Variants in UBE3C observed in about 807,000 individuals in gnomAD.
The protein encoded by UBE3C is ubiquitin-protein ligase E3C.
In UBE3C, 42 loss-of-function variants were observed where a neutral mutation model predicts 129.4. That is an observed-to-expected ratio of 0.32 (90% CI 0.25 to 0.42). The LOEUF (loss-of-function observed/expected upper bound fraction) is 0.42, where lower values mean the gene tolerates loss of function less well. UBE3C is among the 10% of genes least tolerant of loss of function. UBE3C has a pLI of 1.00. For synonymous variants in UBE3C, 510 were observed against 492.4 expected (o/e 1.04, Z -0.47); for missense variants, 1,049 against 1,319.1 (o/e 0.80, Z 3.17).
chr7:157,180,861 A>T (rs1307439212), intron 6 of UBE3C, among the ~76,000 whole-genome samples: 1 of 152,166 alleles, frequency 6.6e-6, no homozygotes, highest in Non-Finnish European at 1.5e-5. Flanking sequence ...CTCTAAAAGG[A>T]GCTTAAGAGT....
At chr7:157,263,553 A>T (rs1389730754) in intron 22 of UBE3C, among the ~76,000 whole-genome samples, 1 of 151,860 alleles carries the variant, frequency 6.6e-6, no homozygotes. Context: ...AGTCCCAGCT[A>T]CTCGGGAGGT....
chr7:157,251,730 T>C (rs7794202), intron 19 of UBE3C, among the ~76,000 whole-genome samples: 17,729 of 152,248 alleles, frequency 0.12, 1,154 homozygotes, highest in African/African-American at 0.15. Context: ...TTTAAATATG[T>C]CCCTCAGATC....
chr7:157,158,339 C>T (rs1437384386), intron 1 of UBE3C, among the ~76,000 whole-genome samples: 1 of 152,178 alleles, frequency 6.6e-6, no homozygotes, highest in Non-Finnish European at 1.5e-5. Flanking sequence ...AAACCATGCA[C>T]TCATACTTTA....
chr7:157,150,363 G>GGCAA (rs1239535226), intron 1 of UBE3C, among the ~76,000 whole-genome samples: 2 of 151,430 alleles, frequency 1.3e-5, no homozygotes, highest in Non-Finnish European at 2.9e-5. Flanking sequence ...TGGGTGACAG[G>GGCAA]GCAAGACTCT....
intron 3 of UBE3C, 116 bp from the exon 4 acceptor site, chr7:157,170,188 T>G (rs1586659952): frequency 1.2e-6 from 1 of 864,396 alleles, no homozygotes; most frequent in Non-Finnish European, 1.6e-6. Context: ...CCGATAATGG[T>G]GTTTTCGTTG....
intron 18 of UBE3C, among the ~76,000 whole-genome samples, chr7:157,236,777 G>A (rs1399860648): frequency 6.6e-6 from 1 of 151,774 alleles, no homozygotes. Context: ...TGTTGCCCAG[G>A]CTGGAGTGCA....
intron 1 of UBE3C, among the ~76,000 whole-genome samples, chr7:157,161,070 C>T (rs573547713): frequency 2.7e-4 from 41 of 152,142 alleles, no homozygotes; most frequent in Non-Finnish European, 4.3e-4. Context: ...AGAAATAGTA[C>T]CTAAATATAA....
chr7:157,166,464 G>A (rs970310993), intron 2 of UBE3C, among the ~76,000 whole-genome samples: 2 of 151,930 alleles, frequency 1.3e-5, no homozygotes, highest in African/African-American at 4.8e-5. Context: ...TTGAGGGCTG[G>A]GCGCGATGGC....
chr7:157,168,986 C>A, intron 2 of UBE3C, 62 bp from the exon 3 acceptor site: 2 of 1,383,976 alleles, frequency 1.4e-6, no homozygotes, highest in East Asian at 2.3e-5. Context: ...TCTTTACTAG[C>A]AAAATGTCAT....
intron 13 of UBE3C, among the ~76,000 whole-genome samples, chr7:157,216,627 T>G (rs1452968665): frequency 6.6e-6 from 1 of 152,194 alleles, no homozygotes; most frequent in Non-Finnish European, 1.5e-5. Flanking sequence ...CCGTTGTAAC[T>G]TAAAAATTAT....
rs770003999 is a variant in UBE3C, at chr7:157,223,369, TTTA to T, written c.2100+21_2100+23del. ...GAGTAAAGGTATGCAATTTGGCTTC[TTTA>T]TTGTCACTACGTATCATATTAGTGT... On this transcript the variant is annotated intron_variant, in intron 16 of 22. Coordinates refer to ENST00000348165, the MANE Select transcript of UBE3C (RefSeq NM_014671.3). The T allele has an allele frequency of 1.1e-5, 18 of 1,599,608 alleles. No homozygotes were observed. Among genetic ancestry groups the T allele is most frequent in the Non-Finnish European group, 1.5e-5 (17 of 1,171,898 alleles).
At chr7:157,142,003 G>A (rs759427258) in intron 1 of UBE3C, among the ~76,000 whole-genome samples, 11 of 152,182 alleles carry the variant, frequency 7.2e-5, no homozygotes, top group East Asian at 3.8e-4. Context: ...TCCCCGTGTC[G>A]CACGCCCACA....
At chr7:157,172,629 A>G (rs1350919598) in intron 4 of UBE3C, among the ~76,000 whole-genome samples, 2 of 152,238 alleles carry the variant, frequency 1.3e-5, no homozygotes, top group African/African-American at 4.8e-5. Context: ...CTAGAGAGGC[A>G]GTGAAAGCCG....
intron 1 of UBE3C, among the ~76,000 whole-genome samples, chr7:157,161,678 T>A (rs1266817587): frequency 6.6e-6 from 1 of 152,064 alleles, no homozygotes; most frequent in Admixed American, 6.5e-5. Context: ...GGTCTCATAC[T>A]CCTGAGCTCA....
At chr7:157,206,924 G>A (rs184769977) in intron 11 of UBE3C, among the ~76,000 whole-genome samples, 1 of 152,288 alleles carries the variant, frequency 6.6e-6, no homozygotes. Context: ...GTTCCAGTTT[G>A]GCTTCAATAT....
intron 4 of UBE3C, among the ~76,000 whole-genome samples, chr7:157,170,831 G>C (rs1250317994): frequency 6.6e-6 from 1 of 152,028 alleles, no homozygotes; most frequent in Non-Finnish European, 1.5e-5. Flanking sequence ...TAAAATACAA[G>C]GTCTCAGTGT....
At chr7:157,258,616 T>C (rs1024963400) in intron 22 of UBE3C, among the ~76,000 whole-genome samples, 2 of 152,106 alleles carry the variant, frequency 1.3e-5, no homozygotes, top group African/African-American at 4.8e-5. Context: ...TGCGCCTCCA[T>C]GCCCGGCTAA....
chr7:157,178,198 A>C (rs1169900019), intron 5 of UBE3C, among the ~76,000 whole-genome samples: 1 of 152,128 alleles, frequency 6.6e-6, no homozygotes, highest in Non-Finnish European at 1.5e-5. Context: ...TTCTTCTCAT[A>C]GTAAGAAGGG....
At chr7:157,142,367 C>T (rs1210834135) in intron 1 of UBE3C, among the ~76,000 whole-genome samples, 1 of 123,588 alleles carries the variant, frequency 8.1e-6, no homozygotes, top group Non-Finnish European at 1.8e-5. Context: ...GATCTGTGTA[C>T]GACAAGTCTG....
Sources: gnomAD v4.1 joint callset for allele counts (sites outside exome capture counted in the v4.1 genomes callset) on GRCh38, gnomAD v4.1.1 for gene constraint, MANE v1.5 for transcripts, NCBI Gene and HGNC (gene_info 2026-07-23, HGNC 2026-07-21) for gene names.